Variants in PRRC2C observed in about 807,000 individuals in gnomAD.
The protein encoded by PRRC2C is protein PRRC2C.
A neutral mutation model predicts 317.2 loss-of-function variants in PRRC2C; 72 were observed. The ratio of observed to expected loss-of-function variants is 0.23; its 90% CI spans 0.19 to 0.28. The LOEUF is 0.28. PRRC2C is among the 10% of genes least tolerant of loss of function. The probability of loss-of-function intolerance (pLI) is 1.00; values close to 1 mark genes in which losing one functional copy is unlikely to be tolerated. For synonymous variants in PRRC2C, 1,296 were observed against 1,205.9 expected, an observed-to-expected ratio of 1.07 and a Z score of -1.55; for missense variants, 3,074 against 3,459.7, an observed-to-expected ratio of 0.89 and a Z score of 2.80.
intron 1 of PRRC2C, among the ~76,000 whole-genome samples, chr1:171,501,867 T>C (rs760777610): frequency 1.3e-5 from 2 of 152,244 alleles, no homozygotes; most frequent in Non-Finnish European, 2.9e-5. Context: ...TTAAATGTGG[T>C]TATGCTGAGT....
At chr1:171,508,480 G>T (rs1244708983) in intron 1 of PRRC2C, among the ~76,000 whole-genome samples, 1 of 152,162 alleles carries the variant, frequency 6.6e-6, no homozygotes, top group Non-Finnish European at 1.5e-5. Flanking sequence ...GCATTCTAGG[G>T]ATAAATCAAA....
chr1:171,535,350 C>A (rs1438560832), intron 12 of PRRC2C, 78 bp from the exon 13 acceptor site: 13 of 1,300,056 alleles, frequency 1.0e-5, no homozygotes, highest in Non-Finnish European at 1.4e-5. Context: ...TTTTATTATA[C>A]CTCAGTCTTT....
chr1:171,574,131 T>C (rs929388655), intron 24 of PRRC2C, among the ~76,000 whole-genome samples: 1 of 152,158 alleles, frequency 6.6e-6, no homozygotes, highest in Non-Finnish European at 1.5e-5. Flanking sequence ...ATGTTGGATG[T>C]ATACTGCATA....
At chr1:171,589,313 T>TG (rs1650813050) in intron 33 of PRRC2C, 56 bp from the exon 34 acceptor site, 2 of 684,564 alleles carry the variant, frequency 2.9e-6, no homozygotes, top group Non-Finnish European at 4.2e-6. Flanking sequence ...TGGCAGTTTT[T>TG]TTTTTTTTTT....
chr1:171,586,350 C>G (rs1447596650), intron 30 of PRRC2C, among the ~76,000 whole-genome samples: 7 of 151,216 alleles, frequency 4.6e-5, no homozygotes, highest in Non-Finnish European at 8.8e-5. Context: ...CTTGGCCTCC[C>G]AAAGTGCTGG....
intron 23 of PRRC2C, among the ~76,000 whole-genome samples, chr1:171,570,803 T>A (rs1409616402): frequency 1.3e-5 from 2 of 152,198 alleles, no homozygotes; most frequent in Non-Finnish European, 2.9e-5. Context: ...AGAGATTAAT[T>A]TTTTATATTT....
chr1:171,543,721 G>T lies in PRRC2C; in HGVS notation c.4763+1492G>T, dbSNP rs141534560. ...ATTACTATACCCATAAGGTATATTT[G>T]TCTATTTTCTGTTGATATAACTAAA... On this transcript the variant is annotated intron_variant, in intron 16 of 34. Transcript: ENST00000647382. 4.8e-3 allele frequency among the ~76,000 whole-genome samples: 726 copies of T among 152,220 alleles called. 3 individuals are homozygous for T. The highest frequency in any genetic ancestry group is 8.4e-3 in the Non-Finnish European group (570 of 68,002).
rs1238619050 is a variant in PRRC2C, at chr1:171,540,205, G to A, written c.2739G>A (p.Arg913=). The change falls in exon 16 of 35, where the codon CGG becomes CGA. Residue 913 remains arginine (R), a synonymous_variant. Transcript: ENST00000647382. ...QKTLSAPQEE[R]ISAVESQPSR... is the part of the protein sequence containing the mutation. ...CCTTATCCGCTCCTCAAGAGGAGCG[G>A]ATTTCAGCTGTAGAAAGTCAGCCTT... 1 of 1,613,890 alleles carries A rather than the reference G, an allele frequency of 6.2e-7. No homozygotes were observed. Among genetic ancestry groups the A allele is most frequent in the Non-Finnish European group, 8.5e-7 (1 of 1,179,854 alleles).
chr1:171,579,480 C>T lies in PRRC2C; in HGVS notation c.7272+14C>T. The T allele has an allele frequency of 6.2e-7, 1 of 1,611,756 alleles. No homozygotes were observed. The highest frequency in any genetic ancestry group is 8.5e-7 in the Non-Finnish European group (1 of 1,179,698). On this transcript the variant is annotated intron_variant, in intron 27 of 34. Coordinates refer to ENST00000647382, the MANE Select transcript of PRRC2C (RefSeq NM_001387844.1). Reference sequence around the variant, plus strand: ...GGTCTCTCTCAGGTAATATCAAAGACTTCTTCCATCCTGTATTTGTTCCTT... The same window carrying T: ...GGTCTCTCTCAGGTAATATCAAAGATTTCTTCCATCCTGTATTTGTTCCTT...
chr1:171,560,961 T>G, intron 19 of PRRC2C, 57 bp from the exon 20 acceptor site: 1 of 1,372,496 alleles, frequency 7.3e-7, no homozygotes. Context: ...GTTAAATGGG[T>G]TAGAGATTAT....
rs750203323 is a variant in PRRC2C, at chr1:171,541,101, G to A, written c.3635G>A (p.Gly1212Asp). 6.2e-7 allele frequency: 1 copy of A among 1,613,914 alleles called. No individual in the cohort carries two copies. Among genetic ancestry groups the A allele is most frequent in the Non-Finnish European group, 8.5e-7 (1 of 1,179,880 alleles). Residue 1212 changes from glycine to aspartate, a missense_variant, in exon 16 of 35, where the codon GGT (glycine) becomes GAT (aspartate). This residue lies in a region of PRRC2C where 1,320 missense variants were observed against 1,395.7 expected (regional missense o/e 0.95). Coordinates refer to ENST00000647382, the MANE Select transcript of PRRC2C (RefSeq NM_001387844.1). The surrounding 1 kb of genome is among the most constrained non-coding windows in gnomAD (Gnocchi z 4.1). ...YRGSYGGRGR[G>D]GRGHTRDYPQ... ...GGTTCTTATGGAGGGCGTGGCAGGGGTGGTAGGGGACACACTCGAGATTAT... is the reference window on the plus strand; with the variant it reads ...GGTTCTTATGGAGGGCGTGGCAGGGATGGTAGGGGACACACTCGAGATTAT...
At chr1:171,485,978 G>T (rs1299116873) in intron 1 of PRRC2C, among the ~76,000 whole-genome samples, 2 of 152,104 alleles carry the variant, frequency 1.3e-5, no homozygotes, top group Non-Finnish European at 2.9e-5. Flanking sequence ...CATGTGGTCT[G>T]CAGCGGGAGT....
chr1:171,584,361 C>T, intron 29 of PRRC2C, 58 bp from the exon 30 acceptor site: 10 of 1,458,178 alleles, frequency 6.9e-6, no homozygotes, highest in Non-Finnish European at 9.2e-6. Context: ...TAATCTCCAC[C>T]TCTGAATTTG....
intron 33 of PRRC2C, 63 bp downstream of exon 33, chr1:171,588,568 T>G (rs1650591150): frequency 6.6e-7 from 1 of 1,520,324 alleles, no homozygotes; most frequent in Admixed American, 1.9e-5. Flanking sequence ...ATCTGATAAA[T>G]TATTATCTTG....
intron 1 of PRRC2C, chr1:171,511,133 G>A (rs556563837): frequency 6.6e-6 from 1 of 151,984 alleles, no homozygotes; most frequent in African/African-American, 2.4e-5. Flanking sequence ...AATGTTTTCA[G>A]CTATTGATCG....
At chr1:171,575,819 A>G (rs2102791145) in intron 25 of PRRC2C, among the ~76,000 whole-genome samples, 2 of 152,312 alleles carry the variant, frequency 1.3e-5, no homozygotes, top group South Asian at 4.1e-4. Context: ...TTCTGTTGAA[A>G]AAATAAAATT....
chr1:171,522,977 T>C (rs964550398), intron 7 of PRRC2C, among the ~76,000 whole-genome samples: 3 of 152,116 alleles, frequency 2.0e-5, no homozygotes, highest in African/African-American at 7.2e-5. Flanking sequence ...TTTTAACATA[T>C]TTGTTTTATC....
chr1:171,509,745 A>T (rs2102225806), intron 1 of PRRC2C: 1 of 149,882 alleles, frequency 6.7e-6, no homozygotes, highest in East Asian at 2.0e-4. Context: ...TCAGAGTTTG[A>T]TTCAGTAGGT....
At chr1:171,575,177 T>G in intron 25 of PRRC2C, 49 bp downstream of exon 25, 2 of 1,460,112 alleles carry the variant, frequency 1.4e-6, no homozygotes, top group Non-Finnish European at 1.9e-6. Flanking sequence ...TTATTTAAAA[T>G]TTTTTATGAT....
Sources: allele counts gnomAD v4.1 joint callset (sites outside exome capture counted in the v4.1 genomes callset), GRCh38; gene constraint gnomAD v4.1.1; regional missense constraint gnomAD v4.1.1; non-coding constraint Gnocchi (gnomAD v3.1); transcripts MANE v1.5; gene names NCBI Gene and HGNC (gene_info 2026-07-23, HGNC 2026-07-21).